The following AGMO variants were observed in gnomAD, a reference collection of about 807,000 sequenced individuals.
AGMO encodes alkylglycerol monooxygenase.
A neutral mutation model predicts 60.2 loss-of-function variants in AGMO; 75 were observed. The ratio of observed to expected loss-of-function variants is 1.25; its 90% CI spans 1.03 to 1.51. The LOEUF (loss-of-function observed/expected upper bound fraction) is 1.51, where lower values mean the gene tolerates loss of function less well. Ranked by LOEUF, AGMO falls within the 40% of genes most tolerant of loss-of-function variation. The pLI, the probability that AGMO is intolerant of heterozygous loss-of-function variation, is 0.00. For missense variants in AGMO, 763 were observed against 525.5 expected, an observed-to-expected ratio of 1.45 and a Z score of -4.42; for synonymous variants, 261 against 177.1, an observed-to-expected ratio of 1.47 and a Z score of -3.76.
the AGMO span, among the ~76,000 whole-genome samples, chr7:15,139,568 T>A: frequency 1.3e-5 from 2 of 152,160 alleles, no homozygotes; most frequent in African/African-American, 4.8e-5. Context: ...TTTGTGTTCA[T>A]GAGTTCTCAT....
chr7:15,146,522 T>A, the AGMO span, among the ~76,000 whole-genome samples: 1 of 152,288 alleles, frequency 6.6e-6, no homozygotes, highest in Non-Finnish European at 1.5e-5. Context: ...GCTATTTTTT[T>A]TTTTTTGGTC....
chr7:15,194,094 T>C, the AGMO span, among the ~76,000 whole-genome samples: 1 of 152,208 alleles, frequency 6.6e-6, no homozygotes, highest in Non-Finnish European at 1.5e-5. Flanking sequence ...CTGTTCATAC[T>C]ATCTCTACAA....
intron 12 of AGMO, among the ~76,000 whole-genome samples, chr7:15,362,330 A>G (rs1037040770): frequency 3.3e-5 from 5 of 152,200 alleles, no homozygotes; most frequent in Admixed American, 2.6e-4. Flanking sequence ...CAGATTAAAA[A>G]AAGATTGCTA....
intron 12 of AGMO, among the ~76,000 whole-genome samples, chr7:15,349,108 T>G (rs1252909532): frequency 1.3e-5 from 2 of 152,128 alleles, no homozygotes; most frequent in Non-Finnish European, 2.9e-5. Flanking sequence ...AGGCCTTTAC[T>G]AGAGGCACAT....
At chr7:15,361,546 A>AAAG (rs1554261759) in intron 12 of AGMO, among the ~76,000 whole-genome samples, 1 of 91,408 alleles carries the variant, frequency 1.1e-5, no homozygotes, top group African/African-American at 4.3e-5. Flanking sequence ...TCTCAAAAAA[A>AAAG]AAAAAAAAGG....
chr7:15,281,937 A>G (rs1284548362), intron 12 of AGMO, among the ~76,000 whole-genome samples: 1 of 152,214 alleles, frequency 6.6e-6, no homozygotes, highest in Non-Finnish European at 1.5e-5. Context: ...GAAAGCTACT[A>G]CAAAAAGGCC....
intron 3 of AGMO, among the ~76,000 whole-genome samples, chr7:15,455,081 TCACACACACACACACACA>T (rs34074240): frequency 2.7e-5 from 4 of 146,114 alleles, no homozygotes; most frequent in Admixed American, 6.9e-5. Context: ...TCTCTCTTTC[TCACACACACACACACACA>T]CACACACACA....
the AGMO span, among the ~76,000 whole-genome samples, chr7:15,171,669 T>G: frequency 6.6e-6 from 1 of 152,248 alleles, no homozygotes; most frequent in Non-Finnish European, 1.5e-5. Flanking sequence ...TAAATTATAA[T>G]TTGTATCATT....
the AGMO span, among the ~76,000 whole-genome samples, chr7:15,184,283 AAGGAAGGAAGGGAGGCAGGC>A: frequency 2.9e-5 from 3 of 101,844 alleles, no homozygotes; most frequent in East Asian, 3.5e-4. Flanking sequence ...AAAGAAAAGG[AAGGAAGGAAGGGAGGCAGGC>A]AGGGAGGGAG....
chr7:15,367,025 CTTTT>C (rs1181065516), intron 10 of AGMO, among the ~76,000 whole-genome samples: 1 of 151,866 alleles, frequency 6.6e-6, no homozygotes, highest in South Asian at 2.1e-4. Flanking sequence ...GTACGGCAGT[CTTTT>C]TTTATTGTTT....
chr7:15,118,171 G>C, the AGMO span, among the ~76,000 whole-genome samples: 60,971 of 117,666 alleles, frequency 0.52, 13,077 homozygotes, highest in South Asian at 0.65. Flanking sequence ...CCACTAAAGA[G>C]AAACACACAC....
At chr7:15,172,116 G>T in the AGMO span, among the ~76,000 whole-genome samples, 6 of 152,110 alleles carry the variant, frequency 3.9e-5, no homozygotes, top group Non-Finnish European at 8.8e-5. Flanking sequence ...AGAAGCTCCA[G>T]ATTACATATG....
chr7:15,203,888 G>A (rs1034452888), intron 12 of AGMO, among the ~76,000 whole-genome samples: 10 of 151,936 alleles, frequency 6.6e-5, no homozygotes, highest in Admixed American at 3.9e-4. Context: ...TTCCTTTTCT[G>A]TAGTCATCAC....
At chr7:15,329,129 A>T (rs1256908001) in intron 12 of AGMO, among the ~76,000 whole-genome samples, 1 of 152,050 alleles carries the variant, frequency 6.6e-6, no homozygotes, top group Non-Finnish European at 1.5e-5. Flanking sequence ...CTATGTGCAT[A>T]CTGTATATTT....
intron 10 of AGMO, among the ~76,000 whole-genome samples, chr7:15,382,331 T>C (rs1783726914): frequency 6.6e-6 from 1 of 152,094 alleles, no homozygotes; most frequent in South Asian, 2.1e-4. Flanking sequence ...GCTGATTTTG[T>C]CCAGGTATAT....
rs1208116031 is a variant in AGMO, at chr7:15,397,054, G to A, written c.610-2875C>T. ...CAGAAAAGTTCTCCAAGTCACCACC[G>A]GTCCCAGAAGCCCAGTTGGCTTCAC... On this transcript the variant is annotated intron_variant, in intron 5 of 12. Transcript: ENST00000342526. Among the ~76,000 whole-genome samples the A allele has an allele frequency of 3.9e-5, 6 of 152,064 alleles. No homozygotes were observed. In the East Asian group the frequency reaches 9.7e-4, roughly 25 times the overall value.
At chr7:15,258,477 G>A (rs926329296) in intron 12 of AGMO, among the ~76,000 whole-genome samples, 9 of 151,838 alleles carry the variant, frequency 5.9e-5, no homozygotes, top group Non-Finnish European at 1.0e-4. Flanking sequence ...TCCGGGAGGC[G>A]GAGCTTGCAG....
At chr7:15,297,337 T>C (rs1210802959) in intron 12 of AGMO, among the ~76,000 whole-genome samples, 1 of 152,116 alleles carries the variant, frequency 6.6e-6, no homozygotes, top group African/African-American at 2.4e-5. Flanking sequence ...AAATCCTAGG[T>C]GGTGCTACAT....
At chr7:15,173,194 T>TTGAAGTAAATCTATTGAATAAATTTAC in the AGMO span, among the ~76,000 whole-genome samples, 1 of 152,178 alleles carries the variant, frequency 6.6e-6, no homozygotes, top group East Asian at 1.9e-4. Flanking sequence ...AATATATTTA[T>TTGAAGTAAATCTATTGAATAAATTTAC]TGAAGTAAAT....
Sources: gnomAD v4.1 joint callset for allele counts (sites outside exome capture counted in the v4.1 genomes callset) on GRCh38, gnomAD v4.1.1 for gene constraint, MANE v1.5 for transcripts, NCBI Gene and HGNC (gene_info 2026-07-23, HGNC 2026-07-21) for gene names.